The following GSG1L variants were observed in gnomAD, a reference collection of about 807,000 sequenced individuals.
The protein encoded by GSG1L is GSG1 like.
Under a neutral mutation model 42.1 loss-of-function variants are expected in GSG1L, and 24 were observed. The observed-to-expected ratio is 0.57, with a 90% CI of 0.41 to 0.80. The LOEUF (loss-of-function observed/expected upper bound fraction) is 0.80. GSG1L is among the 30% of genes least tolerant of loss of function. The probability of loss-of-function intolerance (pLI) is 0.00; values close to 1 mark genes in which losing one functional copy is unlikely to be tolerated. For synonymous variants in GSG1L, 215 were observed against 203.5 expected (o/e 1.06, Z -0.48); for missense variants, 445 against 472.2 (o/e 0.94, Z 0.53).
In GSG1L at chr16:27,902,022, C is replaced by T. The variant is rs553152916; in HGVS notation, c.398-17384G>A. Among the ~76,000 whole-genome samples the T allele has an allele frequency of 5.3e-4, 81 of 152,350 alleles. 2 individuals are homozygous for T. In the South Asian group the frequency reaches 0.017, roughly 31 times the overall value. On this transcript the variant is annotated intron_variant, in intron 2 of 6. Transcript: ENST00000447459. ...AAGCAGCCACCACTGCCGTCACACA[C>T]AGTCACTTTCGGTCCTTCCCCCTAT...
chr16:28,005,283 C>T (rs2412089), intron 1 of GSG1L, among the ~76,000 whole-genome samples: 108,814 of 151,312 alleles, frequency 0.72, 39,315 homozygotes, highest in South Asian at 0.88. Flanking sequence ...CCAGCTAATT[C>T]TGTATTTTTA....
intron 2 of GSG1L, among the ~76,000 whole-genome samples, chr16:27,934,492 G>T (rs974059656): frequency 6.6e-6 from 1 of 152,036 alleles, no homozygotes; most frequent in Non-Finnish European, 1.5e-5. Context: ...TCTAGATTGC[G>T]CCATTGCACT....
intron 3 of GSG1L, among the ~76,000 whole-genome samples, chr16:27,855,691 G>T (rs2083568661): frequency 7.1e-6 from 1 of 140,818 alleles, no homozygotes; most frequent in Non-Finnish European, 1.5e-5. Flanking sequence ...CTGTACTCCA[G>T]CCTGGGTGAC....
chr16:27,991,190 A>G (rs1334481800), intron 1 of GSG1L, among the ~76,000 whole-genome samples: 1 of 152,152 alleles, frequency 6.6e-6, no homozygotes, highest in Non-Finnish European at 1.5e-5. Context: ...GTTGTTTCTG[A>G]GCTTTTATTA....
At position 27,910,970 on chromosome 16, in the gene GSG1L, A is replaced by G. The variant is rs575832099; in HGVS notation, c.398-26332T>C. Among the ~76,000 whole-genome samples the G allele has an allele frequency of 4.6e-5, 7 of 152,250 alleles. No homozygotes were observed. In the East Asian group the frequency reaches 1.4e-3, roughly 29 times the overall value. ...TGAAGCTGCAGTGAGCCATGATTGC[A>G]TCACTGCACTCCAGCCTGGGTGACA... On this transcript the variant is annotated intron_variant, in intron 2 of 6. Coordinates refer to ENST00000447459, the MANE Select transcript of GSG1L (RefSeq NM_001109763.2).
intron 2 of GSG1L, among the ~76,000 whole-genome samples, chr16:27,904,042 C>T (rs2084291854): frequency 6.6e-6 from 1 of 152,114 alleles, no homozygotes; most frequent in Admixed American, 6.5e-5. Context: ...TTGCTGCTCC[C>T]TCTGCATGAA....
intron 1 of GSG1L, among the ~76,000 whole-genome samples, chr16:28,062,355 G>GTCC (rs1313278815): frequency 5.0e-4 from 76 of 152,322 alleles, no homozygotes; most frequent in Non-Finnish European, 9.0e-4. Context: ...AACCTAATAG[G>GTCC]AGCCTTGTGC....
chr16:27,848,833 G>C (rs776877015), intron 3 of GSG1L, among the ~76,000 whole-genome samples: 1 of 152,066 alleles, frequency 6.6e-6, no homozygotes, highest in African/African-American at 2.4e-5. Context: ...GAGCATTCCA[G>C]ACATAGAGAG....
intron 1 of GSG1L, among the ~76,000 whole-genome samples, chr16:28,030,783 T>TGGGATGGGAA (rs2085950478): frequency 1.6e-5 from 2 of 123,286 alleles, no homozygotes; most frequent in Non-Finnish European, 3.3e-5. Flanking sequence ...TGGGATGGGA[T>TGGGATGGGAA]GGGATGGGAT....
Position 27,947,573 on chromosome 16 carries a change from GAA to G in GSG1L, c.397+15581_397+15582del, listed in dbSNP as rs1164161882. Among the ~76,000 whole-genome samples the G allele has an allele frequency of 7.3e-3, 673 of 92,018 alleles. 2 individuals are homozygous for G. The highest frequency in any genetic ancestry group is 1.0e-2 in the African/African-American group (268 of 26,918). The allele number at this position is 92,018 out of a possible 152,430, so 60.4% of individuals were successfully genotyped here. ...AGAAAGAAAGAAAGAAAGAAAGAAA[GAA>G]AGAAAGAAAGAAAGAAAGAAAGAAA... On this transcript the variant is annotated intron_variant, in intron 2 of 6. Coordinates refer to ENST00000447459, the MANE Select transcript of GSG1L (RefSeq NM_001109763.2).
chr16:28,023,462 C>T (rs1275396542), intron 1 of GSG1L, among the ~76,000 whole-genome samples: 1 of 152,202 alleles, frequency 6.6e-6, no homozygotes, highest in Admixed American at 6.5e-5. Context: ...TGTGCACATA[C>T]AAACCCAGTT....
chr16:27,946,560 A>T (rs1212850023), intron 2 of GSG1L, among the ~76,000 whole-genome samples: 1 of 9,780 alleles, frequency 1.0e-4, no homozygotes, highest in Non-Finnish European at 2.8e-4. Flanking sequence ...AAAGAAAGAA[A>T]GAAAGAAAGA....
At position 27,870,477 on chromosome 16, in the gene GSG1L, G is replaced by A. The variant is rs2083805757; in HGVS notation, c.550+14009C>T. Among the ~76,000 whole-genome samples the A allele has an allele frequency of 5.3e-5, 8 of 150,840 alleles. No homozygotes were observed. The South Asian group carries it at 1.7e-3, about 32-fold the overall frequency. Reference sequence around the variant, plus strand: ...TGTGTTCTTTTCTCTCTCTCCTTAAGTGTGTGTCTCCCTCTGTCCCAGGGG... The same window carrying A: ...TGTGTTCTTTTCTCTCTCTCCTTAAATGTGTGTCTCCCTCTGTCCCAGGGG... On this transcript the variant is annotated intron_variant, in intron 3 of 6. Coordinates refer to ENST00000447459, the MANE Select transcript of GSG1L (RefSeq NM_001109763.2).
intron 1 of GSG1L, among the ~76,000 whole-genome samples, chr16:27,979,665 G>GAAAGAAAGAAAGAA (rs1567542786): frequency 1.3e-4 from 5 of 37,498 alleles, no homozygotes; most frequent in African/African-American, 2.1e-4. Context: ...GAAAGAAAGA[G>GAAAGAAAGAAAGAA]AGAGAGAGAG....
chr16:27,979,687 G>GAAAGAAAGAAGGAAGGA (rs778442144), intron 1 of GSG1L, among the ~76,000 whole-genome samples: 8 of 24,672 alleles, frequency 3.2e-4, no homozygotes, highest in East Asian at 2.9e-3. Context: ...GAGAAAGAAA[G>GAAAGAAAGAAGGAAGGA]AAGGAAGGAA....
chr16:27,868,837 T>G (rs1480892179), intron 3 of GSG1L, among the ~76,000 whole-genome samples: 3 of 152,162 alleles, frequency 2.0e-5, no homozygotes, highest in Non-Finnish European at 4.4e-5. Context: ...CCATAGCTCC[T>G]GCAATATCCC....
At chr16:27,941,983 G>C (rs2084802989) in intron 2 of GSG1L, among the ~76,000 whole-genome samples, 1 of 152,132 alleles carries the variant, frequency 6.6e-6, no homozygotes, top group Non-Finnish European at 1.5e-5. Context: ...AATGACTACA[G>C]AGTTTCAGTT....
At chr16:27,848,233 A>ACCAGATC (rs1300152893) in intron 3 of GSG1L, among the ~76,000 whole-genome samples, 2 of 152,196 alleles carry the variant, frequency 1.3e-5, no homozygotes, top group Non-Finnish European at 2.9e-5. Context: ...TAGTCCAGAG[A>ACCAGATC]CCAGATCTGT....
chr16:27,926,709 A>G (rs1377102327), intron 2 of GSG1L, among the ~76,000 whole-genome samples: 2 of 152,174 alleles, frequency 1.3e-5, no homozygotes, highest in African/African-American at 4.8e-5. Flanking sequence ...ACAAACGAAA[A>G]AAAACCTTAG....
Sources: gnomAD v4.1 joint callset for allele counts (sites outside exome capture counted in the v4.1 genomes callset) on GRCh38, gnomAD v4.1.1 for gene constraint, MANE v1.5 for transcripts, NCBI Gene and HGNC (gene_info 2026-07-23, HGNC 2026-07-21) for gene names.